The following PARD3B variants were observed in gnomAD, a reference collection of about 807,000 sequenced individuals.
PARD3B encodes partitioning defective 3 homolog B.
PARD3B carries 103 observed loss-of-function variants against 130.2 expected under a neutral mutation model. The observed-to-expected ratio is 0.79, with a 90% CI of 0.67 to 0.93. The LOEUF (loss-of-function observed/expected upper bound fraction) is 0.93, where lower values mean the gene tolerates loss of function less well. Ranked by LOEUF, PARD3B falls within the 40% of genes least tolerant of loss-of-function variation. The probability of loss-of-function intolerance (pLI) is 0.00; values close to 1 mark genes in which losing one functional copy is unlikely to be tolerated. For missense variants in PARD3B, 1,609 were observed against 1,499.2 expected, an observed-to-expected ratio of 1.07 and a Z score of -1.21; for synonymous variants, 583 against 553.2, an observed-to-expected ratio of 1.05 and a Z score of -0.76.
Position 205,534,969 on chromosome 2 carries a change from T to C in PARD3B, c.3181-18355T>C, listed in dbSNP as rs570702206. Among the ~76,000 whole-genome samples, 6 of 152,296 alleles carry C rather than the reference T, an allele frequency of 3.9e-5. No homozygotes were observed. In the East Asian group the frequency reaches 9.7e-4, roughly 25 times the overall value. On this transcript the variant is annotated intron_variant, in intron 21 of 22. Transcript: ENST00000406610. ...TCCAGACTGCCAAAACCAGAGGCTA[T>C]TATATTCACAAATTTGTTCAAAATC...
chr2:205,406,188 A>G (rs1031931776), intron 19 of PARD3B, among the ~76,000 whole-genome samples: 4 of 152,230 alleles, frequency 2.6e-5, no homozygotes, highest in Non-Finnish European at 5.9e-5. Context: ...TCGGTTTTGT[A>G]GCATCCATTT....
At chr2:204,963,058 C>G (rs7422216) in intron 2 of PARD3B, among the ~76,000 whole-genome samples, 45,498 of 151,978 alleles carry the variant, frequency 0.3, 7,920 homozygotes, top group East Asian at 0.63. Context: ...ATTGTAGCCT[C>G]TCTTTTTACA....
chr2:204,921,225 A>C (rs2047665204), intron 2 of PARD3B, among the ~76,000 whole-genome samples: 2 of 152,184 alleles, frequency 1.3e-5, no homozygotes, highest in Non-Finnish European at 2.9e-5. Context: ...CCATGTGTGA[A>C]GAAATAAGAA....
At chr2:204,693,909 T>G (rs2037468357) in intron 2 of PARD3B, among the ~76,000 whole-genome samples, 1 of 152,072 alleles carries the variant, frequency 6.6e-6, no homozygotes, top group African/African-American at 2.4e-5. Flanking sequence ...CTTTGCTTTA[T>G]TCACTGCTGT....
At position 205,015,229 on chromosome 2, in the gene PARD3B, A is replaced by C. The variant is rs1211456251; in HGVS notation, c.395-32352A>C. Among the ~76,000 whole-genome samples the C allele has an allele frequency of 1.3e-5, 2 of 152,202 alleles. No homozygotes were observed. The highest frequency in any genetic ancestry group is 4.8e-5 in the African/African-American group (2 of 41,454). On this transcript the variant is annotated intron_variant, in intron 3 of 22. Coordinates refer to ENST00000406610, the MANE Select transcript of PARD3B (RefSeq NM_001302769.2). This position sits in a 1 kb window ranked among gnomAD's most constrained non-coding sequence, Gnocchi z 4.5. The stretch of plus-strand genomic sequence containing the variant: ...GAGGAAAGAAAAAATTATCAAGGAA[A>C]TCATAAGGAAGACAAAATATATTTA...
Position 205,295,447 on chromosome 2 carries a change from T to C in PARD3B, c.2186-5083T>C, listed in dbSNP as rs925738162. ...CCCTTTATTTTAGAAGGAAGGATTGTAAATTAATTAATTTTCACTAAGTGC... is the reference window on the plus strand; with the variant it reads ...CCCTTTATTTTAGAAGGAAGGATTGCAAATTAATTAATTTTCACTAAGTGC... On this transcript the variant is annotated intron_variant, in intron 16 of 22. Coordinates refer to ENST00000406610, the MANE Select transcript of PARD3B (RefSeq NM_001302769.2). Among the ~76,000 whole-genome samples the C allele has an allele frequency of 2.6e-5, 4 of 152,342 alleles. No homozygotes were observed. The East Asian group carries it at 7.7e-4, about 29-fold the overall frequency.
At chr2:205,191,075 G>GAAAAAAAAAAAAAAAAAAAAA (rs5837960) in intron 14 of PARD3B, among the ~76,000 whole-genome samples, 2 of 97,746 alleles carry the variant, frequency 2.0e-5, no homozygotes, top group Admixed American at 9.8e-5. Flanking sequence ...GAAAGAAATA[G>GAAAAAAAAAAAAAAAAAAAAA]AAAAAAAAAA....
rs906253901 is a variant in PARD3B at position 204,545,553 on chromosome 2, G to GCGCCGC, written c.-433_-428dup. On this transcript the variant is annotated 5_prime_UTR_variant, in exon 1 of 23. Coordinates refer to ENST00000406610, the MANE Select transcript of PARD3B (RefSeq NM_001302769.2). The stretch of plus-strand genomic sequence containing the variant: ...AGTTTCCTCCCAACTCTGGCCCCGT[G>GCGCCGC]CGCCGCCGCCGCCGCCGCCCACTCC... 3.9e-4 allele frequency among the ~76,000 whole-genome samples: 60 copies of GCGCCGC among 152,056 alleles called. No homozygotes were observed. The highest frequency in any genetic ancestry group is 8.4e-4 in the African/African-American group (35 of 41,532).
chr2:204,646,681 A>G (rs2035286830), intron 1 of PARD3B, among the ~76,000 whole-genome samples: 1 of 151,968 alleles, frequency 6.6e-6, no homozygotes, highest in Non-Finnish European at 1.5e-5. Context: ...TTCCCAGATA[A>G]TGAGAATAGT....
intron 3 of PARD3B, among the ~76,000 whole-genome samples, chr2:205,044,694 G>T (rs1417973914): frequency 3.3e-5 from 5 of 152,130 alleles, no homozygotes; most frequent in Non-Finnish European, 7.3e-5. Flanking sequence ...CATAGAGTCT[G>T]GATATTAGCC....
At chr2:204,845,983 C>CA (rs1559193409) in intron 2 of PARD3B, among the ~76,000 whole-genome samples, 4 of 151,928 alleles carry the variant, frequency 2.6e-5, no homozygotes, top group African/African-American at 7.3e-5. Context: ...GAAAGAATAT[C>CA]TGCAGATTGG....
chr2:205,438,447 A>G (rs1197803773), intron 19 of PARD3B, among the ~76,000 whole-genome samples: 1 of 152,154 alleles, frequency 6.6e-6, no homozygotes, highest in Non-Finnish European at 1.5e-5. Flanking sequence ...ATTTCTCTTG[A>G]AGGCATCTCA....
At chr2:205,580,420 G>A (rs2053919995) in intron 22 of PARD3B, among the ~76,000 whole-genome samples, 1 of 152,074 alleles carries the variant, frequency 6.6e-6, no homozygotes, top group Admixed American at 6.5e-5. Flanking sequence ...GTAATAATGG[G>A]AATGACATGT....
chr2:204,647,879 G>A (rs1214749235), intron 1 of PARD3B, among the ~76,000 whole-genome samples: 1 of 151,566 alleles, frequency 6.6e-6, no homozygotes, highest in Non-Finnish European at 1.5e-5. Context: ...TAAACTTTGA[G>A]TGCTAACACA....
Position 205,341,495 on chromosome 2 carries a change from A to C in PARD3B, c.2630+39794A>C, listed in dbSNP as rs2043529050. The stretch of plus-strand genomic sequence containing the variant: ...TAAACAAAATAAGTCAGGCACAGAA[A>C]GATAAATACTGCATGTTCTTATGTA... On this transcript the variant is annotated intron_variant, in intron 18 of 22. Coordinates refer to ENST00000406610, the MANE Select transcript of PARD3B (RefSeq NM_001302769.2). The surrounding 1 kb of genome is among the most constrained non-coding windows in gnomAD (Gnocchi z 4.3). 6.6e-6 allele frequency among the ~76,000 whole-genome samples: 1 copy of C among 152,144 alleles called. No individual in the cohort carries two copies. The highest frequency in any genetic ancestry group is 2.1e-4 in the South Asian group (1 of 4,834).
intron 1 of PARD3B, among the ~76,000 whole-genome samples, chr2:204,683,976 G>C (rs1432963413): frequency 6.6e-6 from 1 of 152,174 alleles, no homozygotes. Flanking sequence ...CCCAGTGTGC[G>C]TGAGGGAGGA....
At chr2:205,532,726 T>G (rs536511928) in intron 21 of PARD3B, among the ~76,000 whole-genome samples, 1 of 152,250 alleles carries the variant, frequency 6.6e-6, no homozygotes, top group East Asian at 1.9e-4. Context: ...TCCCTTAAAC[T>G]TCGCTAAGTT....
intron 3 of PARD3B, among the ~76,000 whole-genome samples, chr2:205,017,738 A>G (rs1696260024): frequency 6.6e-6 from 1 of 152,134 alleles, no homozygotes; most frequent in Non-Finnish European, 1.5e-5. Context: ...GCCTGAATGA[A>G]ATGGTCCTAT....
At chr2:205,381,762 A>G (rs79288173) in intron 18 of PARD3B, among the ~76,000 whole-genome samples, 27,405 of 151,898 alleles carry the variant, frequency 0.18, 3,107 homozygotes, top group Non-Finnish European at 0.26. Flanking sequence ...AGAAACATGT[A>G]GACAATGTAT....
Sources: allele counts gnomAD v4.1 joint callset (sites outside exome capture counted in the v4.1 genomes callset), GRCh38; gene constraint gnomAD v4.1.1; non-coding constraint Gnocchi (gnomAD v3.1); transcripts MANE v1.5; gene names NCBI Gene and HGNC (gene_info 2026-07-23, HGNC 2026-07-21).